Variants in TRPM3 observed in about 807,000 individuals in gnomAD.
TRPM3 encodes long transient receptor potential channel 3.
TRPM3 carries 77 observed loss-of-function variants against 181.2 expected under a neutral mutation model. That is an observed-to-expected ratio of 0.42 (90% CI 0.35 to 0.51). The LOEUF (loss-of-function observed/expected upper bound fraction) is 0.51. Ranked by LOEUF, TRPM3 falls within the 20% of genes least tolerant of loss-of-function variation. TRPM3 has a pLI of 0.01. For missense variants in TRPM3, 1,759 were observed against 2,196.7 expected, an observed-to-expected ratio of 0.80 and a Z score of 3.98; for synonymous variants, 745 against 796.4, an observed-to-expected ratio of 0.94 and a Z score of 1.09.
intron 1 of TRPM3, among the ~76,000 whole-genome samples, chr9:70,933,261 A>G (rs966737204): frequency 6.6e-5 from 10 of 152,116 alleles, no homozygotes; most frequent in African/African-American, 2.4e-4. Flanking sequence ...GCGATAGTAA[A>G]TTTGGAAATC....
intron 1 of TRPM3, among the ~76,000 whole-genome samples, chr9:71,303,925 T>C (rs1259745242): frequency 1.3e-5 from 2 of 152,178 alleles, no homozygotes; most frequent in Non-Finnish European, 2.9e-5. Flanking sequence ...CTAATTCCTA[T>C]ACAAAAACTT....
intron 1 of TRPM3, among the ~76,000 whole-genome samples, chr9:71,331,890 G>GGAGA (rs2090200962): frequency 7.2e-4 from 1 of 1,392 alleles, no homozygotes; most frequent in Non-Finnish European, 1.9e-3. Flanking sequence ...GGAGGAAGAA[G>GGAGA]GGGAGGAAGA....
intron 1 of TRPM3, among the ~76,000 whole-genome samples, chr9:71,355,840 A>AT (rs33919548): frequency 4.0e-4 from 61 of 151,670 alleles, no homozygotes; most frequent in African/African-American, 7.3e-4. Flanking sequence ...AAAATATTCC[A>AT]TTTTTTTTTC....
intron 6 of TRPM3, among the ~76,000 whole-genome samples, chr9:70,787,193 T>C (rs1014227897): frequency 6.6e-6 from 1 of 152,222 alleles, no homozygotes; most frequent in Non-Finnish European, 1.5e-5. Context: ...TGATTTCCTA[T>C]ATTTGAACTG....
rs554528165 is a variant in TRPM3 at position 70,783,120 on chromosome 9, C to T, written c.1148+985G>A. On this transcript the variant is annotated intron_variant, in intron 7 of 25. Coordinates refer to ENST00000677713, the MANE Select transcript of TRPM3 (RefSeq NM_001366145.2). ...TTGTAATACTTGTCTACTTACTAGA[C>T]TTACTGTGAGCATCTTGAGAGTGGC... Among the ~76,000 whole-genome samples the T allele has an allele frequency of 4.4e-4, 67 of 152,284 alleles. 1 individual carries two copies. The South Asian group carries it at 0.013, about 31-fold the overall frequency.
At chr9:71,025,503 T>C (rs769493805) in intron 1 of TRPM3, among the ~76,000 whole-genome samples, 1 of 152,208 alleles carries the variant, frequency 6.6e-6, no homozygotes, top group Non-Finnish European at 1.5e-5. Context: ...GAATGAACTA[T>C]AATATGATCT....
chr9:70,701,441 C>T (rs978648848), intron 8 of TRPM3, among the ~76,000 whole-genome samples: 9 of 152,084 alleles, frequency 5.9e-5, no homozygotes, highest in Admixed American at 1.3e-4. Context: ...CAGGAGCACC[C>T]GATCAAAACC....
At chr9:70,576,481 C>A (rs2132263266) in intron 22 of TRPM3, among the ~76,000 whole-genome samples, 1 of 138,128 alleles carries the variant, frequency 7.2e-6, no homozygotes, top group Middle Eastern at 3.5e-3. Flanking sequence ...TCTTCTTCTT[C>A]TCCTCCTCCT....
At chr9:71,338,848 G>A (rs555454900) in intron 1 of TRPM3, among the ~76,000 whole-genome samples, 5 of 152,042 alleles carry the variant, frequency 3.3e-5, no homozygotes, top group Non-Finnish European at 7.4e-5. Context: ...CAAAAACAAG[G>A]CAAAGATGTC....
At chr9:70,896,591 T>A (rs1227728744) in intron 1 of TRPM3, among the ~76,000 whole-genome samples, 2 of 152,120 alleles carry the variant, frequency 1.3e-5, no homozygotes, top group Non-Finnish European at 2.9e-5. Context: ...GACTAGTCAA[T>A]TTGTGAACAG....
chr9:71,228,368 A>G (rs763171001), intron 1 of TRPM3, among the ~76,000 whole-genome samples: 4 of 152,204 alleles, frequency 2.6e-5, no homozygotes, highest in Non-Finnish European at 5.9e-5. Context: ...CACAGCTAGT[A>G]TCACACTGAC....
intron 17 of TRPM3, among the ~76,000 whole-genome samples, chr9:70,616,560 C>T (rs1415731620): frequency 8.9e-6 from 1 of 112,498 alleles, no homozygotes; most frequent in Non-Finnish European, 1.8e-5. Context: ...TATGTGTTAT[C>T]TGATTATCTC....
intron 1 of TRPM3, among the ~76,000 whole-genome samples, chr9:71,362,678 T>G (rs1212782696): frequency 6.6e-6 from 1 of 152,220 alleles, no homozygotes; most frequent in Non-Finnish European, 1.5e-5. Context: ...GTAAACCTTC[T>G]GAACATAAGC....
intron 9 of TRPM3, among the ~76,000 whole-genome samples, chr9:70,652,060 T>C (rs1372401022): frequency 1.3e-5 from 2 of 152,070 alleles, no homozygotes; most frequent in Non-Finnish European, 2.9e-5. Flanking sequence ...GACATGGGGT[T>C]GATATGACAG....
At chr9:70,777,643 C>T (rs1280772143) in intron 7 of TRPM3, among the ~76,000 whole-genome samples, 1 of 149,934 alleles carries the variant, frequency 6.7e-6, no homozygotes, top group Non-Finnish European at 1.5e-5. Flanking sequence ...CCATTTACTC[C>T]AACCTATGCT....
intron 1 of TRPM3, among the ~76,000 whole-genome samples, chr9:71,008,631 T>A (rs567476310): frequency 6.6e-6 from 1 of 152,224 alleles, no homozygotes; most frequent in South Asian, 2.1e-4. Context: ...TCACTTGAGC[T>A]CAGGAGTTCA....
At chr9:71,067,888 G>A (rs2062146988) in intron 1 of TRPM3, among the ~76,000 whole-genome samples, 2 of 152,154 alleles carry the variant, frequency 1.3e-5, no homozygotes, top group African/African-American at 4.8e-5. Context: ...TCATTAGATT[G>A]TTGTTTCATC....
At chr9:70,571,730 T>C (rs1046854691) in intron 22 of TRPM3, among the ~76,000 whole-genome samples, 10 of 152,134 alleles carry the variant, frequency 6.6e-5, no homozygotes, top group African/African-American at 2.4e-4. Flanking sequence ...ACAACACATG[T>C]AGGACAGTGC....
chr9:70,795,614 C>T (rs1327848337), intron 6 of TRPM3, among the ~76,000 whole-genome samples: 3 of 152,206 alleles, frequency 2.0e-5, no homozygotes, highest in South Asian at 2.1e-4. Context: ...TTTTGCATCA[C>T]GCCCCGAACG....
Sources: gnomAD v4.1 joint callset for allele counts (sites outside exome capture counted in the v4.1 genomes callset) on GRCh38, gnomAD v4.1.1 for gene constraint, MANE v1.5 for transcripts, NCBI Gene and HGNC (gene_info 2026-07-23, HGNC 2026-07-21) for gene names.